FRS2: variants seen among roughly 807,000 people sequenced by gnomAD.
FRS2 encodes the protein FGFR signalling adaptor.
In FRS2, 8 loss-of-function variants were observed where a neutral mutation model predicts 43.9. That is an observed-to-expected ratio of 0.18 (90% confidence interval 0.11 to 0.33). The LOEUF is 0.33. Ranked by LOEUF, FRS2 falls within the 10% of genes least tolerant of loss-of-function variation. The probability of loss-of-function intolerance (pLI) is 1.00; values close to 1 mark genes in which losing one functional copy is unlikely to be tolerated. For missense variants in FRS2, 534 were observed against 627.6 expected (o/e 0.85, Z 1.59); for synonymous variants, 219 against 220.3 (o/e 0.99, Z 0.05).
intron 3 of FRS2, among the ~76,000 whole-genome samples, chr12:69,555,832 C>T (rs1034079588): frequency 2.0e-5 from 3 of 152,078 alleles, no homozygotes; most frequent in Admixed American, 1.3e-4. Context: ...GAGTGCACTG[C>T]TCTAGAAGTA....
At chr12:69,524,035 C>A (rs536661805) in intron 1 of FRS2, among the ~76,000 whole-genome samples, 1 of 152,328 alleles carries the variant, frequency 6.6e-6, no homozygotes, top group Admixed American at 6.5e-5. Context: ...TGCCAGCCTC[C>A]ATGCAGGCAT....
rs777974468 is a variant in FRS2, at chr12:69,570,342, G to C, written c.78G>C (p.Val26=). The C allele has an allele frequency of 1.6e-5, 26 of 1,612,920 alleles. No homozygotes were observed. The highest frequency in any genetic ancestry group is 2.1e-5 in the Non-Finnish European group (25 of 1,178,960). Residue 26 remains valine, a synonymous_variant, in exon 6 of 9, where the codon GTG becomes GTC. Transcript: ENST00000549921. ...NHRNKFKVIN[V]DDDGNELGSG... is the part of the protein sequence containing the mutation. ...CCTTCTTTTTTTAGGTCATTAATGT[G>C]GATGATGATGGGAATGAGTTAGGTT...
intron 1 of FRS2, among the ~76,000 whole-genome samples, chr12:69,491,365 C>A (rs221094): frequency 0.6 from 91,431 of 151,944 alleles, 29,190 homozygotes; most frequent in African/African-American, 0.82. Flanking sequence ...CAAAGTGCTG[C>A]GATTAATAGT....
rs1199422131 is a variant in FRS2, at chr12:69,528,213, G to A, written c.-260-2652G>A. Among the ~76,000 whole-genome samples, 7 of 152,140 alleles carry A rather than the reference G, an allele frequency of 4.6e-5. No homozygotes were observed. The East Asian group carries it at 1.2e-3, about 25-fold the overall frequency. On this transcript the variant is annotated intron_variant, in intron 1 of 8. Coordinates refer to ENST00000549921, the MANE Select transcript of FRS2 (RefSeq NM_001278356.2). ...AAAAGGCAGAGGAGGGCTTAGCCTA[G>A]GGGGAGTTTGTTTATTTAAAGAAAA...
chr12:69,529,849 CAGG>C (rs1001194066), intron 1 of FRS2, among the ~76,000 whole-genome samples: 1 of 152,064 alleles, frequency 6.6e-6, no homozygotes, highest in African/African-American at 2.4e-5. Context: ...CACCTGAGGT[CAGG>C]AGTTCAAGAC....
intron 3 of FRS2, among the ~76,000 whole-genome samples, chr12:69,551,726 G>T (rs1416719374): frequency 6.6e-6 from 1 of 152,190 alleles, no homozygotes; most frequent in Admixed American, 6.5e-5. Context: ...GGGCTCAAAA[G>T]AACATCACAT....
chr12:69,513,841 C>T, intron 1 of FRS2, among the ~76,000 whole-genome samples: 1 of 152,092 alleles, frequency 6.6e-6, no homozygotes, highest in East Asian at 1.9e-4. Flanking sequence ...AAAGCTACTC[C>T]TTGGATAGAG....
chr12:69,502,704 A>G (rs1015468882), intron 1 of FRS2, among the ~76,000 whole-genome samples: 5 of 152,236 alleles, frequency 3.3e-5, no homozygotes, highest in African/African-American at 1.2e-4. Context: ...ATTAATACAT[A>G]CAGTCTGGTA....
chr12:69,526,787 G>A (rs899455912), intron 1 of FRS2, among the ~76,000 whole-genome samples: 1 of 151,580 alleles, frequency 6.6e-6, no homozygotes, highest in Non-Finnish European at 1.5e-5. Context: ...GCAGTGGCAC[G>A]ATCTCGGCTC....
chr12:69,565,490 ACT>A (rs1201125308), intron 4 of FRS2, among the ~76,000 whole-genome samples: 51 of 152,092 alleles, frequency 3.4e-4, no homozygotes, highest in African/African-American at 1.2e-3. Flanking sequence ...AAACTTTTTG[ACT>A]CTCTTATAAT....
In FRS2 at chr12:69,485,119, A is replaced by ACG. The variant is rs1565717206; in HGVS notation, c.-261+14590_-261+14591insGC. On this transcript the variant is annotated intron_variant, in intron 1 of 8. Transcript: ENST00000549921. ...CACACACACACACACACACACACAC[A>ACG]CACACACACACACACACTCTCACCC... 3.4e-5 allele frequency among the ~76,000 whole-genome samples: 5 copies of ACG among 148,466 alleles called. No homozygotes were observed. The East Asian group carries it at 9.9e-4, about 29-fold the overall frequency.
chr12:69,470,596 C>G (rs1382979159), intron 1 of FRS2, 66 bp downstream of exon 1: 1 of 397,006 alleles, frequency 2.5e-6, no homozygotes, highest in Non-Finnish European at 4.4e-6. Flanking sequence ...TTCTCGTGCC[C>G]CCGCTGCCCG....
intron 1 of FRS2, among the ~76,000 whole-genome samples, chr12:69,502,576 A>G (rs1873555118): frequency 6.6e-6 from 1 of 152,012 alleles, no homozygotes; most frequent in South Asian, 2.1e-4. Context: ...GCAAATATTT[A>G]TTGCATGCCT....
At chr12:69,528,067 C>G (rs963634717) in intron 1 of FRS2, among the ~76,000 whole-genome samples, 3 of 152,132 alleles carry the variant, frequency 2.0e-5, no homozygotes, top group African/African-American at 7.2e-5. Context: ...CTTGCCAGAA[C>G]TGTATCTTTG....
chr12:69,521,144 A>G (rs1237079871), intron 1 of FRS2, among the ~76,000 whole-genome samples: 1 of 151,462 alleles, frequency 6.6e-6, no homozygotes, highest in Non-Finnish European at 1.5e-5. Flanking sequence ...ATTCCTAGGT[A>G]TTTTTTTTGT....
intron 3 of FRS2, among the ~76,000 whole-genome samples, chr12:69,543,436 G>A (rs758105460): frequency 3.3e-5 from 5 of 152,218 alleles, no homozygotes; most frequent in East Asian, 1.9e-4. Context: ...AGGATATTTC[G>A]TTGAACAAAA....
chr12:69,513,064 G>A (rs1401746238), intron 1 of FRS2, among the ~76,000 whole-genome samples: 1 of 151,848 alleles, frequency 6.6e-6, no homozygotes, highest in African/African-American at 2.4e-5. Context: ...CTTGTAAGGT[G>A]TAATGTAGCT....
At chr12:69,538,427 C>G (rs1174118940) in intron 3 of FRS2, among the ~76,000 whole-genome samples, 3 of 151,290 alleles carry the variant, frequency 2.0e-5, no homozygotes. Flanking sequence ...CAAAAAAAGG[C>G]CCTGGCCTTA....
rs1343577015 is a variant in FRS2, at chr12:69,577,176, A to G, written c.*2221A>G. The G allele has an allele frequency of 6.6e-6, 1 of 152,096 alleles. No homozygotes were observed. The highest frequency in any genetic ancestry group is 2.4e-5 in the African/African-American group (1 of 41,426). The allele number at this position is 152,096 out of a possible 1,614,324, so 9.4% of individuals were successfully genotyped here. ...TTTTTATTTTTTTTAGATAACTCCA[A>G]TATAATCATTACAGTTTATGCTTTA... On this transcript the variant is annotated 3_prime_UTR_variant, in exon 9 of 9. Coordinates refer to ENST00000549921, the MANE Select transcript of FRS2 (RefSeq NM_001278356.2).
Sources: gnomAD v4.1 joint callset for allele counts (sites outside exome capture counted in the v4.1 genomes callset) on GRCh38, gnomAD v4.1.1 for gene constraint, MANE v1.5 for transcripts, NCBI Gene and HGNC (gene_info 2026-07-23, HGNC 2026-07-21) for gene names.